AANAT: variants seen among roughly 807,000 people sequenced by gnomAD.
The protein encoded by AANAT is aralkylamine N-acetyltransferase.
AANAT carries 11 observed loss-of-function variants against 15.6 expected under a neutral mutation model. The ratio of observed to expected loss-of-function variants is 0.71; its 90% CI spans 0.44 to 1.17. AANAT has a LOEUF of 1.17. AANAT is among the 50% of genes most tolerant of loss of function. The probability of loss-of-function intolerance (pLI) is 0.00; values close to 1 mark genes in which losing one functional copy is unlikely to be tolerated. For synonymous variants in AANAT, 139 were observed against 131.5 expected (o/e 1.06, Z -0.39); for missense variants, 286 against 296.3 (o/e 0.97, Z 0.26).
At chr17:76,460,206 T>C (rs2073375628) in intron 2 of AANAT, among the ~76,000 whole-genome samples, 1 of 140,928 alleles carries the variant, frequency 7.1e-6, no homozygotes, top group African/African-American at 2.7e-5. Context: ...TGGAGTGTCC[T>C]GGCAGGACCT....
chr17:76,460,125 A>C (rs1156574712), intron 2 of AANAT, among the ~76,000 whole-genome samples: 1 of 117,046 alleles, frequency 8.5e-6, no homozygotes, highest in East Asian at 2.7e-4. Context: ...CACCTACTTC[A>C]GGAAATTTTT....
At chr17:76,460,717 T>C (rs1351437521) in intron 2 of AANAT, among the ~76,000 whole-genome samples, 1 of 152,184 alleles carries the variant, frequency 6.6e-6, no homozygotes, top group African/African-American at 2.4e-5. Flanking sequence ...GTCCCTTCTT[T>C]GTCCAGGAGG....
chr17:76,463,214 A>G (rs1486317945), upstream of AANAT, among the ~76,000 whole-genome samples: 1 of 151,708 alleles, frequency 6.6e-6, no homozygotes, highest in Non-Finnish European at 1.5e-5. Flanking sequence ...TGTGCCTTTA[A>G]TCAACGGCCT....
chr17:76,469,577 G>C lies in AANAT; in HGVS notation c.319-88G>C. Reference sequence around the variant, plus strand: ...GTGCCCTGACCACAGGCACCCAGGGGACACCTGCTCCCTGCCTGGGTTGGT... The same window carrying C: ...GTGCCCTGACCACAGGCACCCAGGGCACACCTGCTCCCTGCCTGGGTTGGT... On this transcript the variant is annotated intron_variant, in intron 3 of 3. Transcript: ENST00000392492. This position sits in a 1 kb window ranked among gnomAD's most constrained non-coding sequence, Gnocchi z 5.2. The C allele has an allele frequency of 7.2e-7, 1 of 1,387,658 alleles. No homozygotes were observed. The highest frequency in any genetic ancestry group is 9.5e-7 in the Non-Finnish European group (1 of 1,057,424). 86.0% of individuals were successfully genotyped at this position (1,387,658 alleles called of 1,614,324 possible).
chr17:76,463,147 A>T (rs373715037), upstream of AANAT, among the ~76,000 whole-genome samples: 1 of 151,954 alleles, frequency 6.6e-6, no homozygotes, highest in Non-Finnish European at 1.5e-5. Flanking sequence ...GGTGCCCGGG[A>T]TGGGGTGGGG....
upstream of AANAT, chr17:76,467,527 G>A (rs967787163): frequency 1.0e-5 from 10 of 985,368 alleles, no homozygotes; most frequent in Admixed American, 1.8e-4. Context: ...CCCTGCTGGC[G>A]TCATCCTGCC....
chr17:76,468,239 T>G (rs1026514125), intron 1 of AANAT, among the ~76,000 whole-genome samples: 2 of 152,140 alleles, frequency 1.3e-5, no homozygotes, highest in Non-Finnish European at 1.5e-5. Context: ...AATGGTGGTG[T>G]GGGGGAACCG....
Position 76,469,649 on chromosome 17 carries a change from C to T in AANAT, c.319-16C>T. On this transcript the variant is annotated splice_polypyrimidine_tract_variant and intron_variant, in intron 3 of 3. Transcript: ENST00000392492. This position sits in a 1 kb window ranked among gnomAD's most constrained non-coding sequence, Gnocchi z 5.2. ...AGCAGAAGTGACCTGGGATCTCATC[C>T]CTTGCTCGCTCCCAGGAGTCACTGA... is the stretch of plus-strand genomic sequence containing the variant. 1 of 1,458,868 alleles carries T rather than the reference C, an allele frequency of 6.9e-7. No individual in the cohort carries two copies. Among genetic ancestry groups the T allele is most frequent in the African/African-American group, 1.4e-5 (1 of 70,724 alleles). The allele number at this position is 1,458,868 out of a possible 1,614,324, so 90.4% of individuals were successfully genotyped here.
At chr17:76,468,238 G>A (rs933564953) in intron 1 of AANAT, among the ~76,000 whole-genome samples, 1 of 152,328 alleles carries the variant, frequency 6.6e-6, no homozygotes, top group Admixed American at 6.5e-5. Context: ...GAATGGTGGT[G>A]TGGGGGAACC....
intron 2 of AANAT, among the ~76,000 whole-genome samples, chr17:76,460,356 TG>T (rs1224923595): frequency 1.3e-5 from 2 of 152,010 alleles, no homozygotes; most frequent in Non-Finnish European, 2.9e-5. Context: ...TTTGCCATGT[TG>T]GCCAGGCTGG....
chr17:76,466,188 A>G, upstream of AANAT: 2 of 1,537,026 alleles, frequency 1.3e-6, no homozygotes, highest in Non-Finnish European at 1.7e-6. Flanking sequence ...GCCACAGTCT[A>G]TGAAGGGACA....
intron 2 of AANAT, among the ~76,000 whole-genome samples, chr17:76,461,824 G>C (rs1449348652): frequency 1.3e-5 from 2 of 152,054 alleles, no homozygotes; most frequent in African/African-American, 4.8e-5. Flanking sequence ...AGGCAAAGTG[G>C]AAAAGCCAGA....
chr17:76,458,908 C>T (rs989715067), intron 1 of AANAT, among the ~76,000 whole-genome samples: 10 of 152,344 alleles, frequency 6.6e-5, no homozygotes, highest in Admixed American at 1.3e-4. Context: ...TGGGAAACCC[C>T]CCACACCCTC....
In AANAT at chr17:76,469,022, A is replaced by G. The variant is rs2073477018; in HGVS notation, c.163+113A>G. Reference sequence around the variant, plus strand: ...AGGCTGGGTCCCAGAGTATCAGACCATGTGTGCGCTCAAGAAAGTGGGGGA... The same window carrying G: ...AGGCTGGGTCCCAGAGTATCAGACCGTGTGTGCGCTCAAGAAAGTGGGGGA... On this transcript the variant is annotated intron_variant, in intron 2 of 3. Coordinates refer to ENST00000392492, the MANE Select transcript of AANAT (RefSeq NM_001088.3). This position sits in a 1 kb window ranked among gnomAD's most constrained non-coding sequence, Gnocchi z 5.2. The G allele has an allele frequency of 2.0e-6, 3 of 1,479,832 alleles. No homozygotes were observed. The highest frequency in any genetic ancestry group is 2.8e-6 in the Non-Finnish European group (3 of 1,084,028). The allele number at this position is 1,479,832 out of a possible 1,614,324, so 91.7% of individuals were successfully genotyped here.
At chr17:76,465,842 T>C (rs913839545), upstream of AANAT, 5 of 308,730 alleles carry the variant, frequency 1.6e-5, no homozygotes, top group Non-Finnish European at 3.2e-5. Flanking sequence ...CCGCCTCATC[T>C]TTAAAAAAAA....
At chr17:76,466,107 A>G, upstream of AANAT, 2 of 1,398,422 alleles carry the variant, frequency 1.4e-6, no homozygotes, top group Non-Finnish European at 2.0e-6. Context: ...AGAGAGGCCG[A>G]TTGAACAGCA....
intron 1 of AANAT, among the ~76,000 whole-genome samples, chr17:76,454,380 G>T (rs1289589986): frequency 1.3e-5 from 2 of 151,762 alleles, no homozygotes; most frequent in Admixed American, 1.3e-4. Flanking sequence ...AGCTACTCAG[G>T]AGGCTGAGGC....
At chr17:76,467,479 G>A (rs536043298), upstream of AANAT, 61 of 939,894 alleles carry the variant, frequency 6.5e-5, no homozygotes, top group African/African-American at 7.3e-4. Flanking sequence ...CAGAGCTGAC[G>A]TTTCCCTTCA....
chr17:76,464,218 C>T (rs543927049), upstream of AANAT, among the ~76,000 whole-genome samples: 18 of 152,014 alleles, frequency 1.2e-4, no homozygotes, highest in South Asian at 1.5e-3. Context: ...GGTGTGCGCC[C>T]GTAATCCCAG....
Sources: gnomAD v4.1 joint callset for allele counts (sites outside exome capture counted in the v4.1 genomes callset) on GRCh38, gnomAD v4.1.1 for gene constraint, Gnocchi (gnomAD v3.1) non-coding constraint, MANE v1.5 for transcripts, NCBI Gene and HGNC (gene_info 2026-07-23, HGNC 2026-07-21) for gene names.